PRRC2A: variants seen among roughly 807,000 people sequenced by gnomAD.
The protein encoded by PRRC2A is proline rich coiled-coil 2A, also known as protein PRRC2A.
PRRC2A carries 59 observed loss-of-function variants against 224.6 expected under a neutral mutation model. The ratio of observed to expected loss-of-function variants is 0.26; its 90% CI spans 0.21 to 0.33. The LOEUF (loss-of-function observed/expected upper bound fraction) is 0.33. Ranked by LOEUF, PRRC2A falls within the 10% of genes least tolerant of loss-of-function variation. The probability of loss-of-function intolerance (pLI) is 1.00; values close to 1 mark genes in which losing one functional copy is unlikely to be tolerated. For synonymous variants in PRRC2A, 1,194 were observed against 1,109.5 expected, an observed-to-expected ratio of 1.08 and a Z score of -1.51; for missense variants, 3,095 against 2,880.7, an observed-to-expected ratio of 1.07 and a Z score of -1.70.
At chr6:31,623,259 A>ATTTTTTTTTTTTTTTTTTTTTTTTTTT (rs3993756) in intron 2 of PRRC2A, 2 of 265,698 alleles carry the variant, frequency 7.5e-6, no homozygotes, top group African/African-American at 4.0e-5. Context: ...GATTTCATAG[A>ATTTTTTTTTTTTTTTTTTTTTTTTTTT]TTTTTTTTTT....
chr6:31,634,097 T>C, intron 18 of PRRC2A, 108 bp downstream of exon 18: 5 of 1,572,906 alleles, frequency 3.2e-6, no homozygotes, highest in Non-Finnish European at 4.3e-6. Flanking sequence ...GTGTTTTTAC[T>C]CCAGAATTCT....
chr6:31,633,130 T>A (rs1489073189), intron 16 of PRRC2A, 138 bp downstream of exon 16: 3 of 1,284,128 alleles, frequency 2.3e-6, no homozygotes, highest in African/African-American at 3.0e-5. Context: ...AGGATTTCCA[T>A]GTCTGGCTAA....
intron 18 of PRRC2A, 62 bp from the exon 19 acceptor site, chr6:31,634,174 C>T: frequency 6.4e-7 from 1 of 1,572,836 alleles, no homozygotes; most frequent in East Asian, 2.2e-5. Flanking sequence ...TCTGTCCTGG[C>T]TTCCTATAAT....
rs758832577 is a variant in PRRC2A, at chr6:31,637,326, TGAA to T, written c.6333+4_6333+6del. 1 of 1,609,954 alleles carries T rather than the reference TGAA, an allele frequency of 6.2e-7. No homozygotes were observed. Among genetic ancestry groups the T allele is most frequent in the South Asian group, 1.1e-5 (1 of 91,008 alleles). On this transcript the variant is annotated splice_donor_5th_base_variant and intron_variant, in intron 30 of 30. Coordinates refer to ENST00000376033, the MANE Select transcript of PRRC2A (RefSeq NM_004638.4). ...CAGCGCGTCGACCTTTACCAGCAGG[TGAA>T]GGAGAAACCCTTGTGGCCCCAACTC...
intron 3 of PRRC2A, 111 bp from the exon 4 acceptor site, chr6:31,624,150 T>C: frequency 8.3e-7 from 1 of 1,199,558 alleles, no homozygotes; most frequent in Admixed American, 2.1e-5. Flanking sequence ...AATTTGTCCT[T>C]ATATTTGTAA....
At position 31,632,054 on chromosome 6, in the gene PRRC2A, C is replaced by T; in HGVS notation, c.3381C>T (p.Pro1127=). The T allele has an allele frequency of 6.3e-7, 1 of 1,578,678 alleles. No homozygotes were observed. Among genetic ancestry groups the T allele is most frequent in the Non-Finnish European group, 8.6e-7 (1 of 1,160,164 alleles). The change falls in exon 16 of 31, where the codon CCC becomes CCT. Residue 1127 remains proline (P), a synonymous_variant. Transcript: ENST00000376033. ...LAPSDKEAPT[P]KEGTLTQVPL... ...CTTCAGACAAGGAGGCTCCCACACC[C>T]AAGGAGGGAACACTCACCCAGGTCC...
In PRRC2A at chr6:31,632,049, A is replaced by G; in HGVS notation, c.3376A>G (p.Thr1126Ala). The G allele has an allele frequency of 6.3e-7, 1 of 1,584,482 alleles. No individual in the cohort carries two copies. Among genetic ancestry groups the G allele is most frequent in the Non-Finnish European group, 8.6e-7 (1 of 1,163,156 alleles). The change falls in exon 16 of 31, where the codon ACA (threonine) becomes GCA (alanine). Residue 1126 changes from threonine to alanine, a missense_variant. By Grantham distance (58) the Thr-to-Ala change is moderately conservative. Coordinates refer to ENST00000376033, the MANE Select transcript of PRRC2A (RefSeq NM_004638.4). The part of the protein sequence containing the change: ...DLAPSDKEAP[T>A]PKEGTLTQVP... The stretch of plus-strand genomic sequence containing the variant: ...GGCTCCTTCAGACAAGGAGGCTCCC[A>G]CACCCAAGGAGGGAACACTCACCCA...
At chr6:31,624,602 G>C in intron 5 of PRRC2A, 80 bp downstream of exon 5, 1 of 1,471,002 alleles carries the variant, frequency 6.8e-7, no homozygotes, top group Non-Finnish European at 9.5e-7. Context: ...TCAGCCAAGT[G>C]ACCTTGGTCC....
chr6:31,634,068 C>G, intron 18 of PRRC2A, 79 bp downstream of exon 18: 1 of 1,579,516 alleles, frequency 6.3e-7, no homozygotes, highest in Non-Finnish European at 8.5e-7. Flanking sequence ...TCTCTGTTTT[C>G]TTTCCTGTTT....
At position 31,636,751 on chromosome 6, in the gene PRRC2A, G is replaced by C. The variant is rs964545465; in HGVS notation, c.5953G>C (p.Asp1985His). Residue 1985 changes from aspartate (D) to histidine (H), a missense_variant, in exon 28 of 31, where the codon GAC (aspartate) becomes CAC (histidine). Around this residue, in one of 8 missense-constraint regions of PRRC2A, gnomAD observed 662 missense variants for 609.5 expected, o/e 1.09. Transcript: ENST00000376033. The surrounding 1 kb of genome is among the most constrained non-coding windows in gnomAD (Gnocchi z 4.3). ...PAQQMLLPMV[D>H]SQLPVVNFGS... is the part of the protein sequence containing the mutation. ...GTTACAGATGCTTCTACCCATGGTAGACTCACAGCTGCCTGTGGTGAACTT... is the reference window on the plus strand; with the variant it reads ...GTTACAGATGCTTCTACCCATGGTACACTCACAGCTGCCTGTGGTGAACTT... The C allele has an allele frequency of 6.2e-7, 1 of 1,607,000 alleles. No homozygotes were observed. Among genetic ancestry groups the C allele is most frequent in the Non-Finnish European group, 8.5e-7 (1 of 1,179,996 alleles).
chr6:31,636,234 G>C lies in PRRC2A; in HGVS notation c.5650G>C (p.Gly1884Arg). Reference sequence around the variant, plus strand: ...ATCACAGCCCCTATACCTACCCCCCGGCCCAGCCCCTCCCTCAGCACTGCT... The same window carrying C: ...ATCACAGCCCCTATACCTACCCCCCCGCCCAGCCCCTCCCTCAGCACTGCT... ...YRSQPLYLPPGPAPPSALLSG... is the reference protein window; with the variant it reads ...YRSQPLYLPPRPAPPSALLSG... Residue 1884 changes from glycine to arginine, a missense_variant, in exon 26 of 31, where the codon GGC becomes CGC. Coordinates refer to ENST00000376033, the MANE Select transcript of PRRC2A (RefSeq NM_004638.4). The surrounding 1 kb of genome is among the most constrained non-coding windows in gnomAD (Gnocchi z 4.3). 2 of 1,612,412 alleles carry C rather than the reference G, an allele frequency of 1.2e-6. No individual in the cohort carries two copies. The highest frequency in any genetic ancestry group is 3.3e-5 in the Admixed American group (2 of 59,968).
chr6:31,630,734 C>T lies in PRRC2A; in HGVS notation c.2398C>T (p.Pro800Ser). ...GGTAGGAGATGTCTTCACCGCCACACCCGCTGAACCCCGCCCACTTACCTC... is the reference window on the plus strand; with the variant it reads ...GGTAGGAGATGTCTTCACCGCCACATCCGCTGAACCCCGCCCACTTACCTC... Reference protein sequence around the residue: ...AWVGDVFTATPAEPRPLTSPL... With the variant: ...AWVGDVFTATSAEPRPLTSPL... The change falls in exon 15 of 31, where the codon CCC becomes TCC. Residue 800 changes from proline to serine, a missense_variant. Transcript: ENST00000376033. 1 of 1,614,142 alleles carries T rather than the reference C, an allele frequency of 6.2e-7. No homozygotes were observed. The highest frequency in any genetic ancestry group is 8.5e-7 in the Non-Finnish European group (1 of 1,180,034).
chr6:31,628,320 G>T (rs1199840543), intron 12 of PRRC2A, 81 bp downstream of exon 12: 1 of 1,486,228 alleles, frequency 6.7e-7, no homozygotes, highest in Non-Finnish European at 8.9e-7. Flanking sequence ...TAAGGCTGGG[G>T]ATAAATGAAG....
At position 31,620,752 on chromosome 6, in the gene PRRC2A, G is replaced by A. The variant is rs967304945; in HGVS notation, c.-207G>A. On this transcript the variant is annotated 5_prime_UTR_variant, in exon 1 of 31. Coordinates refer to ENST00000376033, the MANE Select transcript of PRRC2A (RefSeq NM_004638.4). Reference sequence around the variant, plus strand: ...GCCGCGGAGTGAGCGAGGGAGACGGGAGGAGCCGAACCCGGCGCCATCCGC... The same window carrying A: ...GCCGCGGAGTGAGCGAGGGAGACGGAAGGAGCCGAACCCGGCGCCATCCGC... The A allele has an allele frequency of 1.3e-5, 2 of 152,060 alleles. No individual in the cohort carries two copies. The highest frequency in any genetic ancestry group is 2.9e-5 in the Non-Finnish European group (2 of 68,002). The allele number at this position is 152,060 out of a possible 1,614,324, so 9.4% of individuals were successfully genotyped here. A position where few individuals can be genotyped will look rare whatever the true frequency, so the allele number is the denominator to read the frequency against.
At position 31,636,376 on chromosome 6, in the gene PRRC2A, C is replaced by T. The variant is rs750172164; in HGVS notation, c.5792C>T (p.Pro1931Leu). The T allele has an allele frequency of 5.0e-6, 8 of 1,612,930 alleles. No homozygotes were observed. Among genetic ancestry groups the T allele is most frequent in the East Asian group, 2.2e-5 (1 of 44,882 alleles). ...LYPPPSFLYS[P>L]AFCPSPLPDT... ...CCTCCACCTTCCTTCCTCTACTCTC[C>T]GGCTTTCTGCCCCAGTCCTTTGCCT... The change falls in exon 26 of 31, where the codon CCG (proline) becomes CTG (leucine). Residue 1931 changes from proline to leucine, a missense_variant. By Grantham distance (98) the Pro-to-Leu change is moderately conservative (BLOSUM62 -3). Coordinates refer to ENST00000376033, the MANE Select transcript of PRRC2A (RefSeq NM_004638.4). The surrounding 1 kb of genome is among the most constrained non-coding windows in gnomAD (Gnocchi z 4.3).
At chr6:31,623,940 T>A in intron 3 of PRRC2A, 31 bp downstream of exon 3, 1 of 1,608,260 alleles carries the variant, frequency 6.2e-7, no homozygotes, top group Non-Finnish European at 8.5e-7. Context: ...CCTAGAGTGA[T>A]GGGTATTTTA....
chr6:31,634,125 G>C (rs1777032312), intron 18 of PRRC2A, 111 bp from the exon 19 acceptor site: 12 of 1,565,282 alleles, frequency 7.7e-6, no homozygotes, highest in African/African-American at 1.4e-5. Flanking sequence ...AGTCTCCCAT[G>C]TGTCTCCCTT....
intron 12 of PRRC2A, chr6:31,628,887 CTA>C: frequency 2.1e-6 from 1 of 467,480 alleles, no homozygotes; most frequent in Non-Finnish European, 3.7e-6. Flanking sequence ...AAAATGAAAA[CTA>C]TTTCCTATAG....
chr6:31,633,046 A>G, intron 16 of PRRC2A, 54 bp downstream of exon 16: 1 of 1,450,554 alleles, frequency 6.9e-7, no homozygotes, highest in Non-Finnish European at 9.1e-7. Flanking sequence ...GAGGGGGAAA[A>G]AGCCTGAGGG....
Sources: gnomAD v4.1 joint callset for allele counts on GRCh38, gnomAD v4.1.1 for gene constraint, gnomAD v4.1.1 regional missense constraint, Gnocchi (gnomAD v3.1) non-coding constraint, MANE v1.5 for transcripts, NCBI Gene and HGNC (gene_info 2026-07-23, HGNC 2026-07-21) for gene names.